Variants in MYO5A observed in about 807,000 individuals in gnomAD.
MYO5A encodes the protein myosin VA.
A neutral mutation model predicts 249.7 loss-of-function variants in MYO5A; 98 were observed. That is an observed-to-expected ratio of 0.39 (90% CI 0.33 to 0.46). The LOEUF (loss-of-function observed/expected upper bound fraction) is 0.46. MYO5A is among the 20% of genes least tolerant of loss of function. MYO5A has a pLI of 0.98. For missense variants in MYO5A, 1,696 were observed against 2,308.8 expected, an observed-to-expected ratio of 0.73 and a Z score of 5.44; for synonymous variants, 778 against 810.6, an observed-to-expected ratio of 0.96 and a Z score of 0.68.
intron 1 of MYO5A, among the ~76,000 whole-genome samples, chr15:52,507,818 A>AT (rs1279205611): frequency 6.6e-6 from 1 of 151,848 alleles, no homozygotes; most frequent in Non-Finnish European, 1.5e-5. Context: ...AAAAAAAAAA[A>AT]AAAGTGTAAT....
At chr15:52,375,866 T>C (rs2041385545) in intron 19 of MYO5A, among the ~76,000 whole-genome samples, 1 of 152,260 alleles carries the variant, frequency 6.6e-6, no homozygotes, top group Non-Finnish European at 1.5e-5. Context: ...CTAGCCATTA[T>C]TCATCTACCA....
intron 1 of MYO5A, among the ~76,000 whole-genome samples, chr15:52,445,096 T>G (rs1433632073): frequency 2.0e-5 from 3 of 152,162 alleles, no homozygotes; most frequent in African/African-American, 7.2e-5. Context: ...TGGATATTTG[T>G]CCCTGCCCAA....
At chr15:52,427,952 C>T (rs2075433424) in intron 3 of MYO5A, among the ~76,000 whole-genome samples, 1 of 152,060 alleles carries the variant, frequency 6.6e-6, no homozygotes, top group Admixed American at 6.6e-5. Flanking sequence ...TGAGCAGGGG[C>T]CCAGGCAAGC....
At chr15:52,495,293 G>A (rs1368544769) in intron 1 of MYO5A, among the ~76,000 whole-genome samples, 1 of 152,108 alleles carries the variant, frequency 6.6e-6, no homozygotes, top group African/African-American at 2.4e-5. Context: ...AAATAAGCTA[G>A]TCACAGAGAT....
intron 1 of MYO5A, among the ~76,000 whole-genome samples, chr15:52,472,569 G>A (rs1023828510): frequency 7.2e-5 from 11 of 151,886 alleles, no homozygotes; most frequent in Admixed American, 4.6e-4. Flanking sequence ...AACAGGCCCC[G>A]GTGTGATGTA....
intron 30 of MYO5A, among the ~76,000 whole-genome samples, chr15:52,343,866 A>AT (rs891548908): frequency 1.3e-5 from 2 of 152,220 alleles, no homozygotes; most frequent in African/African-American, 4.8e-5. Context: ...TAATGTTAGT[A>AT]ATCATTTATT....
chr15:52,423,465 T>C (rs1050708713), intron 4 of MYO5A, among the ~76,000 whole-genome samples: 6 of 151,394 alleles, frequency 4.0e-5, no homozygotes, highest in African/African-American at 1.5e-4. Context: ...GGCAGGAGAA[T>C]GGCGTGAACC....
chr15:52,427,346 G>C (rs1020316948), intron 3 of MYO5A, among the ~76,000 whole-genome samples: 1 of 151,982 alleles, frequency 6.6e-6, no homozygotes, highest in Non-Finnish European at 1.5e-5. Flanking sequence ...GGGAAATTCA[G>C]ACAATTAACA....
At chr15:52,328,731 T>C (rs2038730826) in intron 35 of MYO5A, among the ~76,000 whole-genome samples, 1 of 152,222 alleles carries the variant, frequency 6.6e-6, no homozygotes, top group Admixed American at 6.5e-5. Flanking sequence ...CAAGCATTTA[T>C]AAAAGCCAAA....
intron 9 of MYO5A, among the ~76,000 whole-genome samples, chr15:52,398,459 C>G (rs1281919193): frequency 6.6e-6 from 1 of 152,086 alleles, no homozygotes; most frequent in African/African-American, 2.4e-5. Context: ...AAATAGGACC[C>G]AAGAGAACAA....
rs1233439241 is a variant in MYO5A, at chr15:52,309,768, A to T, written c.*3928T>A. On this transcript the variant is annotated 3_prime_UTR_variant, in exon 42 of 42. Coordinates refer to ENST00000399233, the MANE Select transcript of MYO5A (RefSeq NM_001382347.1). ...GCACTAGTTTTGGCTCTGTTTTATC[A>T]CTAAGCAGCTGACATTACCCAGAGG... 6.6e-6 allele frequency: 1 copy of T among 152,220 alleles called. No individual in the cohort carries two copies. The highest frequency in any genetic ancestry group is 6.5e-5 in the Admixed American group (1 of 15,286). The allele number at this position is 152,220 out of a possible 1,614,324, so 9.4% of individuals were successfully genotyped here.
intron 1 of MYO5A, among the ~76,000 whole-genome samples, chr15:52,442,005 C>T (rs762622768): frequency 3.9e-5 from 6 of 152,154 alleles, no homozygotes; most frequent in Non-Finnish European, 7.3e-5. Flanking sequence ...AGAGAATATG[C>T]ATGATGCATT....
chr15:52,378,482 T>TAC (rs1359679276), intron 18 of MYO5A, among the ~76,000 whole-genome samples: 1 of 85,214 alleles, frequency 1.2e-5, no homozygotes, highest in Non-Finnish European at 2.4e-5. Flanking sequence ...GATGCCACTG[T>TAC]ACTCCAGCCT....
intron 25 of MYO5A, 72 bp from the exon 26 acceptor site, chr15:52,354,086 C>A: frequency 1.3e-6 from 2 of 1,570,594 alleles, no homozygotes; most frequent in South Asian, 1.1e-5. Context: ...AAATGACAAA[C>A]AGCTCAATGG....
intron 3 of MYO5A, 143 bp downstream of exon 3, chr15:52,428,254 TA>T: frequency 2.3e-6 from 2 of 855,462 alleles, no homozygotes; most frequent in East Asian, 2.6e-5. Context: ...TGCAACTTGG[TA>T]AATCTTTCTG....
chr15:52,526,576 G>T (rs1261720675), intron 1 of MYO5A, among the ~76,000 whole-genome samples: 1 of 152,074 alleles, frequency 6.6e-6, no homozygotes, highest in Non-Finnish European at 1.5e-5. Context: ...GGTCAAGATG[G>T]TCTCGAACTC....
intron 6 of MYO5A, 30 bp downstream of exon 6, chr15:52,410,303 C>T (rs1209703365): frequency 6.9e-6 from 11 of 1,602,870 alleles, no homozygotes; most frequent in Non-Finnish European, 9.4e-6. Flanking sequence ...CAATCTAACA[C>T]AAGTGCATAT....
intron 36 of MYO5A, among the ~76,000 whole-genome samples, chr15:52,326,501 G>A (rs2038612048): frequency 6.6e-6 from 1 of 152,148 alleles, no homozygotes; most frequent in Non-Finnish European, 1.5e-5. Flanking sequence ...GCACAATAGG[G>A]ACCAACAGAG....
chr15:52,394,592 G>C (rs1298316874), intron 11 of MYO5A, among the ~76,000 whole-genome samples: 1 of 152,188 alleles, frequency 6.6e-6, no homozygotes, highest in Non-Finnish European at 1.5e-5. Context: ...ATGTAAGGGG[G>C]TATGTGAAGA....
Sources: allele counts gnomAD v4.1 joint callset (sites outside exome capture counted in the v4.1 genomes callset), GRCh38; gene constraint gnomAD v4.1.1; transcripts MANE v1.5; gene names NCBI Gene and HGNC (gene_info 2026-07-23, HGNC 2026-07-21).